BIRC6: variants seen among roughly 807,000 people sequenced by gnomAD.
BIRC6 encodes the protein baculoviral IAP repeat containing 6, also known as dual E2 ubiquitin-conjugating enzyme/E3 ubiquitin-protein ligase BIRC6.
BIRC6 carries 98 observed loss-of-function variants against 503.3 expected under a neutral mutation model. The ratio of observed to expected loss-of-function variants is 0.19; its 90% CI spans 0.17 to 0.23. The LOEUF (loss-of-function observed/expected upper bound fraction) is 0.23, where lower values mean the gene tolerates loss of function less well. Among genes scored for constraint, BIRC6 ranks in the 10% least tolerant of loss-of-function variants. The pLI, the probability that BIRC6 is intolerant of heterozygous loss-of-function variation, is 1.00. For synonymous variants in BIRC6, 2,240 were observed against 2,078.7 expected, an observed-to-expected ratio of 1.08 and a Z score of -2.11; for missense variants, 5,360 against 5,806.0, an observed-to-expected ratio of 0.92 and a Z score of 2.50.
chr2:32,481,249 C>G, intron 37 of BIRC6, 71 bp from the exon 38 acceptor site: 1 of 1,283,280 alleles, frequency 7.8e-7, no homozygotes, highest in Non-Finnish European at 1.0e-6. Flanking sequence ...CTTTTTTTAA[C>G]TAAAAGCATT....
intron 21 of BIRC6, among the ~76,000 whole-genome samples, chr2:32,448,351 C>A (rs1452008137): frequency 7.0e-6 from 1 of 141,906 alleles, no homozygotes; most frequent in Non-Finnish European, 1.5e-5. Context: ...TGCACTCCAG[C>A]CTTGGCACCA....
chr2:32,471,008 C>A lies in BIRC6; in HGVS notation c.6482-6C>A. The A allele has an allele frequency of 1.3e-6, 2 of 1,561,426 alleles. No individual in the cohort carries two copies. The highest frequency in any genetic ancestry group is 2.4e-5 in the South Asian group (2 of 84,698). On this transcript the variant is annotated splice_polypyrimidine_tract_variant and splice_region_variant and intron_variant, in intron 31 of 73. Coordinates refer to ENST00000421745, the MANE Select transcript of BIRC6 (RefSeq NM_016252.4). ...ATGTTTTTCCTTTGCTGTCATCTCT[C>A]TCCAGGAGTACTAGATATTCCCATG...
In BIRC6 at chr2:32,468,729, A is replaced by T; in HGVS notation, c.6073A>T (p.Thr2025Ser). ...IQTSSTEQLR[T>S]IIRYLLDTLL... ...GACATCTTCCACAGAGCAGTTACGTACTATCATCAGATATTTACTGGACAC... is the reference window on the plus strand; with the variant it reads ...GACATCTTCCACAGAGCAGTTACGTTCTATCATCAGATATTTACTGGACAC... Residue 2025 changes from threonine (T) to serine (S), a missense_variant, in exon 29 of 74, where the codon ACT becomes TCT. Transcript: ENST00000421745. 1.9e-6 allele frequency: 3 copies of T among 1,613,444 alleles called. No individual in the cohort carries two copies. Among genetic ancestry groups the T allele is most frequent in the Non-Finnish European group, 2.5e-6 (3 of 1,179,514 alleles).
intron 73 of BIRC6, among the ~76,000 whole-genome samples, chr2:32,613,918 T>C (rs1185810156): frequency 2.0e-5 from 3 of 152,180 alleles, no homozygotes; most frequent in Non-Finnish European, 4.4e-5. Context: ...TTTTCCTTCA[T>C]TGTGTCTGTA....
At chr2:32,476,430 A>G in intron 34 of BIRC6, 86 bp downstream of exon 34, 2 of 1,387,980 alleles carry the variant, frequency 1.4e-6, no homozygotes, top group Non-Finnish European at 1.9e-6. Flanking sequence ...TTAAATATAC[A>G]TTACTCTGCT....
Position 32,384,316 on chromosome 2 carries a change from T to C in BIRC6, c.645+4026T>C, listed in dbSNP as rs115665674. Among the ~76,000 whole-genome samples the C allele has an allele frequency of 7.4e-3, 1,120 of 152,298 alleles. 8 individuals carry two copies. Among genetic ancestry groups the C allele is most frequent in the Middle Eastern group, 0.02 (6 of 294 alleles). Reference sequence around the variant, plus strand: ...TTGAAAATGAGTCTTTAGTAGGCCATTGAGCTTTTCTGCCAGGCCAGCTTC... The same window carrying C: ...TTGAAAATGAGTCTTTAGTAGGCCACTGAGCTTTTCTGCCAGGCCAGCTTC... On this transcript the variant is annotated intron_variant, in intron 3 of 73. Transcript: ENST00000421745.
intron 57 of BIRC6, among the ~76,000 whole-genome samples, chr2:32,520,834 T>G (rs1318663428): frequency 2.0e-5 from 3 of 151,922 alleles, no homozygotes; most frequent in African/African-American, 7.2e-5. Context: ...ACAAACAAAA[T>G]TAAATAAATG....
In BIRC6 at chr2:32,597,836, T is replaced by C; in HGVS notation, c.13698T>C (p.Ala4566=). 1 of 1,613,852 alleles carries C rather than the reference T, an allele frequency of 6.2e-7. No individual in the cohort carries two copies. Among genetic ancestry groups the C allele is most frequent in the Non-Finnish European group, 8.5e-7 (1 of 1,179,744 alleles). Residue 4566 remains alanine (A), a synonymous_variant, in exon 69 of 74, where the codon GCT becomes GCC. Coordinates refer to ENST00000421745, the MANE Select transcript of BIRC6 (RefSeq NM_016252.4). ...NYHYMSQVKN[A]NDANSAARAR... is the part of the protein sequence containing the mutation. ...ACTACATGTCTCAGGTGAAAAATGC[T>C]AATGATGCGAACAGTGCTGCCAGAG...
At chr2:32,419,344 A>G (rs1340620009) in intron 10 of BIRC6, among the ~76,000 whole-genome samples, 1 of 152,182 alleles carries the variant, frequency 6.6e-6, no homozygotes, top group Non-Finnish European at 1.5e-5. Context: ...ATATGTTTTA[A>G]GTTAATTTTA....
Position 32,448,893 on chromosome 2 carries a change from A to C in BIRC6, c.4583A>C (p.Gln1528Pro). 2 of 1,613,300 alleles carry C rather than the reference A, an allele frequency of 1.2e-6. No individual in the cohort carries two copies. Among genetic ancestry groups the C allele is most frequent in the Non-Finnish European group, 1.7e-6 (2 of 1,179,626 alleles). The change falls in exon 22 of 74, where the codon CAG (glutamine) becomes CCG (proline). Residue 1528 changes from glutamine to proline, a missense_variant. By Grantham distance (76) the Gln-to-Pro change is moderately conservative (BLOSUM62 -1). Transcript: ENST00000421745. ...KNVYNSSIGV[Q>P]SDEIDLSDVL... is the part of the protein sequence containing the mutation. Reference sequence around the variant, plus strand: ...GTTTATAACAGCAGCATTGGTGTCCAGTCAGATGAAATTGATTTATCAGAT... The same window carrying C: ...GTTTATAACAGCAGCATTGGTGTCCCGTCAGATGAAATTGATTTATCAGAT...
chr2:32,557,387 G>A (rs1283664650), intron 65 of BIRC6: 2 of 152,094 alleles, frequency 1.3e-5, no homozygotes, highest in Admixed American at 1.3e-4. Context: ...TTAGAAAAAT[G>A]GTTGTAGCAT....
chr2:32,479,585 C>A lies in BIRC6; in HGVS notation c.7376C>A (p.Thr2459Asn). The part of the protein sequence containing the change: ...LQQSSVQLLE[T>N]IDEPLTHDIT... ...CAGTCCTCAGTTCAGTTGCTGGAAA[C>A]TATAGATGAACCTTTGACACATGAC... is the stretch of plus-strand genomic sequence containing the variant. Residue 2459 changes from threonine to asparagine, a missense_variant, in exon 37 of 74, where the codon ACT becomes AAT. Physicochemically the swap from Thr to Asn is moderately conservative, Grantham distance 65. Coordinates refer to ENST00000421745, the MANE Select transcript of BIRC6 (RefSeq NM_016252.4). The A allele has an allele frequency of 6.2e-7, 1 of 1,609,726 alleles. No individual in the cohort carries two copies. The highest frequency in any genetic ancestry group is 8.5e-7 in the Non-Finnish European group (1 of 1,177,692).
At chr2:32,523,204 T>C (rs548959342) in intron 57 of BIRC6, 1 of 150,880 alleles carries the variant, frequency 6.6e-6, no homozygotes, top group Non-Finnish European at 1.5e-5. Context: ...GAGAAAAAAA[T>C]AAAACAGAAA....
intron 38 of BIRC6, 129 bp from the exon 39 acceptor site, chr2:32,482,300 G>A (rs1388597073): frequency 4.3e-6 from 4 of 926,470 alleles, no homozygotes; most frequent in African/African-American, 1.7e-5. Flanking sequence ...ATTATAAGGG[G>A]ATTTGGGAAA....
At chr2:32,612,514 C>G (rs1005104177) in intron 73 of BIRC6, among the ~76,000 whole-genome samples, 1 of 152,160 alleles carries the variant, frequency 6.6e-6, no homozygotes, top group South Asian at 2.1e-4. Flanking sequence ...TATCTTCTAA[C>G]TTTAAAGCTG....
intron 8 of BIRC6, among the ~76,000 whole-genome samples, chr2:32,405,761 A>C (rs1038217765): frequency 2.0e-5 from 3 of 152,218 alleles, no homozygotes; most frequent in African/African-American, 7.2e-5. Flanking sequence ...TGCTTATACA[A>C]CTATTATGTT....
At chr2:32,552,453 A>G (rs1300082277) in intron 65 of BIRC6, among the ~76,000 whole-genome samples, 4 of 152,220 alleles carry the variant, frequency 2.6e-5, no homozygotes, top group Non-Finnish European at 5.9e-5. Context: ...TGCACATAAA[A>G]TTGATCTTCA....
chr2:32,584,384 G>T (rs2060889963), intron 66 of BIRC6, among the ~76,000 whole-genome samples: 1 of 152,040 alleles, frequency 6.6e-6, no homozygotes, highest in Admixed American at 6.6e-5. Context: ...ACAAAAATTA[G>T]CTGCGTGTGG....
intron 1 of BIRC6, among the ~76,000 whole-genome samples, chr2:32,366,123 G>A (rs937438968): frequency 1.3e-5 from 2 of 151,994 alleles, no homozygotes; most frequent in African/African-American, 2.4e-5. Flanking sequence ...CACCTGCTTC[G>A]GTCTCCCAAA....
Sources: allele counts gnomAD v4.1 joint callset (sites outside exome capture counted in the v4.1 genomes callset), GRCh38; gene constraint gnomAD v4.1.1; transcripts MANE v1.5; gene names NCBI Gene and HGNC (gene_info 2026-07-23, HGNC 2026-07-21).